Variants in FNIP1 observed in about 807,000 individuals in gnomAD.
FNIP1 encodes the protein folliculin-interacting protein 1.
Under a neutral mutation model 124.5 loss-of-function variants are expected in FNIP1, and 40 were observed. The ratio of observed to expected loss-of-function variants is 0.32; its 90% CI spans 0.25 to 0.42. The LOEUF (loss-of-function observed/expected upper bound fraction) is 0.42, where lower values mean the gene tolerates loss of function less well. Ranked by LOEUF, FNIP1 falls within the 10% of genes least tolerant of loss-of-function variation. FNIP1 has a pLI of 1.00. For synonymous variants in FNIP1, 472 were observed against 470.6 expected (o/e 1.00, Z -0.04); for missense variants, 1,176 against 1,403.7 (o/e 0.84, Z 2.59).
chr5:131,788,968 A>G (rs1240024056), intron 1 of FNIP1, among the ~76,000 whole-genome samples: 1 of 152,240 alleles, frequency 6.6e-6, no homozygotes, highest in Non-Finnish European at 1.5e-5. Context: ...CTGCACACTC[A>G]TATTTACGGC....
chr5:131,745,296 A>G (rs1395917564), intron 1 of FNIP1, among the ~76,000 whole-genome samples: 1 of 152,224 alleles, frequency 6.6e-6, no homozygotes, highest in East Asian at 1.9e-4. Context: ...AGGTAGGAGG[A>G]TCACTTGAGC....
intron 6 of FNIP1, among the ~76,000 whole-genome samples, chr5:131,713,916 T>C (rs1003893196): frequency 6.6e-6 from 1 of 152,258 alleles, no homozygotes; most frequent in African/African-American, 2.4e-5. Context: ...ATCCCACTTA[T>C]CTGAATCCAT....
At chr5:131,776,001 T>C (rs980682799) in intron 1 of FNIP1, among the ~76,000 whole-genome samples, 2 of 152,236 alleles carry the variant, frequency 1.3e-5, no homozygotes, top group Non-Finnish European at 2.9e-5. Context: ...CACACATTCC[T>C]TCTGGTACTT....
At position 131,752,343 on chromosome 5, in the gene FNIP1, A is replaced by G. The variant is rs1252161841; in HGVS notation, c.93-7653T>C. On this transcript the variant is annotated intron_variant, in intron 1 of 17. Transcript: ENST00000510461. ...CAGGTGTGAGCCACCGCGCCCAGCC[A>G]TGAATTTGTATTCTTTGTTAATTTA... Among the ~76,000 whole-genome samples, 6 of 152,048 alleles carry G rather than the reference A, an allele frequency of 3.9e-5. 1 individual carries two copies. Among genetic ancestry groups the G allele is most frequent in the Non-Finnish European group, 5.9e-5 (4 of 67,982 alleles).
intron 13 of FNIP1, 63 bp downstream of exon 13, chr5:131,677,640 A>T: frequency 6.9e-7 from 1 of 1,446,478 alleles, no homozygotes; most frequent in East Asian, 2.3e-5. Flanking sequence ...TTTTGCTATA[A>T]AATAATTACA....
intron 1 of FNIP1, among the ~76,000 whole-genome samples, chr5:131,768,489 G>C (rs1448540273): frequency 6.6e-6 from 1 of 151,482 alleles, no homozygotes; most frequent in Non-Finnish European, 1.5e-5. Flanking sequence ...TTAAAAAGGG[G>C]GGAACTTGTA....
At chr5:131,741,168 G>T (rs551856931) in intron 2 of FNIP1, among the ~76,000 whole-genome samples, 1 of 152,174 alleles carries the variant, frequency 6.6e-6, no homozygotes, top group Non-Finnish European at 1.5e-5. Flanking sequence ...TCTTGCTCAA[G>T]ATCCAAGAAC....
At chr5:131,785,029 CA>C (rs1490111767) in intron 1 of FNIP1, among the ~76,000 whole-genome samples, 957 of 13,150 alleles carry the variant, frequency 0.073, 57 homozygotes, top group African/African-American at 0.12. Flanking sequence ...ATATATATGA[CA>C]TATATATGAT....
At chr5:131,693,309 T>TAC (rs1561658194) in intron 11 of FNIP1, among the ~76,000 whole-genome samples, 145 of 29,886 alleles carry the variant, frequency 4.9e-3, no homozygotes, top group African/African-American at 0.013. Flanking sequence ...TATATATATA[T>TAC]ATATATACAC....
intron 1 of FNIP1, among the ~76,000 whole-genome samples, chr5:131,769,396 T>C (rs1771551159): frequency 1.3e-5 from 2 of 152,216 alleles, no homozygotes; most frequent in African/African-American, 2.4e-5. Flanking sequence ...TAGATTTGGA[T>C]TATTTTGATG....
intron 1 of FNIP1, among the ~76,000 whole-genome samples, chr5:131,788,625 C>T (rs1195351143): frequency 6.7e-6 from 1 of 148,946 alleles, no homozygotes; most frequent in Non-Finnish European, 1.5e-5. Flanking sequence ...TGCTTGAACC[C>T]GGGAGGCAGA....
chr5:131,679,558 A>G (rs1460561324), intron 11 of FNIP1, among the ~76,000 whole-genome samples: 1 of 152,236 alleles, frequency 6.6e-6, no homozygotes, highest in Non-Finnish European at 1.5e-5. Context: ...TACATGTACA[A>G]AAAGAAAATA....
At position 131,642,356 on chromosome 5, in the gene FNIP1, A is replaced by G. The variant is rs940206466; in HGVS notation, c.*2329T>C. ...AGCAGTGGGGAGGAACAAAACAGTA[A>G]CTCAGGAATCCTATAAGGATTAATG... On this transcript the variant is annotated 3_prime_UTR_variant, in exon 18 of 18. Transcript: ENST00000510461. 2.0e-5 allele frequency: 3 copies of G among 152,434 alleles called. No individual in the cohort carries two copies. Among genetic ancestry groups the G allele is most frequent in the African/African-American group, 7.2e-5 (3 of 41,444 alleles). 9.4% of individuals were successfully genotyped at this position (152,434 alleles called of 1,614,324 possible).
At chr5:131,776,856 A>G (rs775272643) in intron 1 of FNIP1, among the ~76,000 whole-genome samples, 2 of 152,222 alleles carry the variant, frequency 1.3e-5, no homozygotes, top group East Asian at 3.8e-4. Context: ...TATATTATAT[A>G]AAGTGTGTTC....
At chr5:131,717,632 T>C (rs1317161242) in intron 5 of FNIP1, among the ~76,000 whole-genome samples, 1 of 152,184 alleles carries the variant, frequency 6.6e-6, no homozygotes, top group East Asian at 1.9e-4. Context: ...AAATAACCTA[T>C]ATCACTTCTT....
intron 1 of FNIP1, among the ~76,000 whole-genome samples, chr5:131,771,591 A>C (rs1220603786): frequency 2.6e-5 from 4 of 152,188 alleles, no homozygotes; most frequent in Non-Finnish European, 5.9e-5. Context: ...CCAGACACTC[A>C]GATCAAAAAT....
chr5:131,704,025 A>C, intron 10 of FNIP1, 40 bp downstream of exon 10: 1 of 1,476,790 alleles, frequency 6.8e-7, no homozygotes, highest in Non-Finnish European at 9.2e-7. Context: ...GGAGAATAAG[A>C]TTTTAAAAGG....
intron 1 of FNIP1, among the ~76,000 whole-genome samples, chr5:131,759,950 G>A (rs939212388): frequency 9.9e-5 from 15 of 152,138 alleles, no homozygotes; most frequent in Non-Finnish European, 1.9e-4. Flanking sequence ...ACATGGAGGC[G>A]GCTGGAAGCC....
intron 11 of FNIP1, among the ~76,000 whole-genome samples, chr5:131,694,710 A>G (rs1182910180): frequency 6.6e-6 from 1 of 152,226 alleles, no homozygotes; most frequent in East Asian, 1.9e-4. Context: ...ATATAACTAT[A>G]CAACAGAGTG....
Sources: gnomAD v4.1 joint callset for allele counts (sites outside exome capture counted in the v4.1 genomes callset) on GRCh38, gnomAD v4.1.1 for gene constraint, MANE v1.5 for transcripts, NCBI Gene and HGNC (gene_info 2026-07-23, HGNC 2026-07-21) for gene names.